TRIO: variants seen among roughly 807,000 people sequenced by gnomAD.
The protein encoded by TRIO is trio Rho guanine nucleotide exchange factor, also known as triple functional domain protein.
Under a neutral mutation model 351.9 loss-of-function variants are expected in TRIO, and 58 were observed. The ratio of observed to expected loss-of-function variants is 0.16; its 90% CI spans 0.13 to 0.21. TRIO has a LOEUF of 0.21. TRIO is among the 10% of genes least tolerant of loss of function. TRIO has a pLI of 1.00. For missense variants in TRIO, 3,201 were observed against 4,027.8 expected, an observed-to-expected ratio of 0.79 and a Z score of 5.56; for synonymous variants, 1,758 against 1,595.7, an observed-to-expected ratio of 1.10 and a Z score of -2.42.
intron 46 of TRIO, among the ~76,000 whole-genome samples, chr5:14,484,209 T>A (rs1028881585): frequency 6.6e-6 from 1 of 152,246 alleles, no homozygotes; most frequent in African/African-American, 2.4e-5. Context: ...ATATATTTTT[T>A]ACATATTTTT....
chr5:14,307,556 A>C (rs1245252805), intron 8 of TRIO, among the ~76,000 whole-genome samples: 1 of 152,226 alleles, frequency 6.6e-6, no homozygotes, highest in Non-Finnish European at 1.5e-5. Flanking sequence ...TCTGGGTGTC[A>C]TCACAGTGGA....
intron 2 of TRIO, among the ~76,000 whole-genome samples, chr5:14,275,880 ATATGTT>A (rs1243359533): frequency 6.8e-6 from 1 of 146,894 alleles, no homozygotes; most frequent in South Asian, 2.1e-4. Flanking sequence ...ATATATATAT[ATATGTT>A]TATATATATG....
intron 1 of TRIO, among the ~76,000 whole-genome samples, chr5:14,172,421 G>A (rs981073693): frequency 6.6e-6 from 1 of 152,194 alleles, no homozygotes; most frequent in Non-Finnish European, 1.5e-5. Flanking sequence ...AGAAGCAGTG[G>A]CTCCTGTCTT....
At chr5:14,472,309 G>A (rs1406748595) in intron 38 of TRIO, among the ~76,000 whole-genome samples, 1 of 152,186 alleles carries the variant, frequency 6.6e-6, no homozygotes. Context: ...TTATGTCTAA[G>A]CTTCATTGTT....
chr5:14,504,261 G>T, intron 54 of TRIO, 132 bp from the exon 55 acceptor site: 3 of 952,982 alleles, frequency 3.1e-6, no homozygotes, highest in Non-Finnish European at 3.1e-6. Context: ...CCCCTCCGTG[G>T]AGTGGCCGGG....
intron 8 of TRIO, among the ~76,000 whole-genome samples, chr5:14,312,628 C>CA (rs1739028390): frequency 6.6e-6 from 1 of 152,178 alleles, no homozygotes; most frequent in African/African-American, 2.4e-5. Context: ...CTTTGTGGCT[C>CA]AGAGTTTCAG....
intron 34 of TRIO, among the ~76,000 whole-genome samples, chr5:14,421,581 G>A (rs1260866023): frequency 1.4e-5 from 2 of 144,762 alleles, no homozygotes; most frequent in African/African-American, 5.4e-5. Flanking sequence ...TCCAGCCTGG[G>A]CAACAGAGCA....
chr5:14,266,482 T>C (rs1274956443), intron 1 of TRIO, among the ~76,000 whole-genome samples: 1 of 152,230 alleles, frequency 6.6e-6, no homozygotes, highest in Non-Finnish European at 1.5e-5. Flanking sequence ...TGATGAACAG[T>C]ATAATGTTTA....
At chr5:14,354,039 C>T (rs983109231) in intron 11 of TRIO, among the ~76,000 whole-genome samples, 13 of 152,204 alleles carry the variant, frequency 8.5e-5, no homozygotes, top group African/African-American at 3.1e-4. Context: ...TGAGGCCTCA[C>T]AGTGAGTCAG....
intron 34 of TRIO, among the ~76,000 whole-genome samples, chr5:14,436,607 A>C (rs1218495438): frequency 6.6e-6 from 1 of 152,226 alleles, no homozygotes; most frequent in Non-Finnish European, 1.5e-5. Context: ...TGTAAAATCA[A>C]AAGCAGGTTA....
intron 37 of TRIO, among the ~76,000 whole-genome samples, chr5:14,467,810 T>C (rs1179847394): frequency 6.6e-6 from 1 of 151,760 alleles, no homozygotes; most frequent in Non-Finnish European, 1.5e-5. Context: ...AGACCCTATA[T>C]CAAAAAAATA....
At chr5:14,500,038 G>C (rs529985319) in intron 53 of TRIO, among the ~76,000 whole-genome samples, 1 of 133,550 alleles carries the variant, frequency 7.5e-6, no homozygotes, top group Non-Finnish European at 1.6e-5. Flanking sequence ...GTGACAGAGC[G>C]AGACTCTGTC....
At chr5:14,399,777 A>G (rs982193634) in intron 30 of TRIO, among the ~76,000 whole-genome samples, 4 of 152,132 alleles carry the variant, frequency 2.6e-5, no homozygotes, top group Non-Finnish European at 5.9e-5. Flanking sequence ...GTGTACTTCC[A>G]TCTAACTTAG....
chr5:14,451,808 T>C (rs766921718), intron 34 of TRIO, among the ~76,000 whole-genome samples: 1 of 152,280 alleles, frequency 6.6e-6, no homozygotes, highest in Non-Finnish European at 1.5e-5. Flanking sequence ...CTTCAAGAAC[T>C]TGCCTCTGAG....
chr5:14,302,081 A>T (rs1737950670), intron 7 of TRIO, among the ~76,000 whole-genome samples: 1 of 152,190 alleles, frequency 6.6e-6, no homozygotes, highest in Admixed American at 6.5e-5. Context: ...TACTTTAAGA[A>T]ATTATAAGTT....
chr5:14,266,568 A>G (rs1795691018), intron 1 of TRIO, among the ~76,000 whole-genome samples: 1 of 152,364 alleles, frequency 6.6e-6, no homozygotes, highest in East Asian at 1.9e-4. Flanking sequence ...CGAACCAAAC[A>G]GTAATTTAAA....
intron 34 of TRIO, 131 bp from the exon 35 acceptor site, chr5:14,460,888 C>T (rs1402824827): frequency 1.9e-6 from 2 of 1,077,482 alleles, no homozygotes; most frequent in Non-Finnish European, 2.6e-6. Context: ...CATCTCACAC[C>T]CCGTAGGCAA....
rs1736479395 is a variant in TRIO, at chr5:14,286,799, C to T, written c.348-72C>T. 1.3e-6 allele frequency: 2 copies of T among 1,517,814 alleles called. No homozygotes were observed. Among genetic ancestry groups the T allele is most frequent in the East Asian group, 2.3e-5 (1 of 44,052 alleles). 94.0% of individuals were successfully genotyped at this position (1,517,814 alleles called of 1,614,324 possible). A position where few individuals can be genotyped will look rare whatever the true frequency, so the allele number is the denominator to read the frequency against. On this transcript the variant is annotated intron_variant, in intron 3 of 56. Coordinates refer to ENST00000344204, the MANE Select transcript of TRIO (RefSeq NM_007118.4). The surrounding 1 kb of genome is among the most constrained non-coding windows in gnomAD (Gnocchi z 4.4). Reference sequence around the variant, plus strand: ...GGGAGGGAAGCTGGGTCTGTGGCACCCAGTGGGACTCTGACCAGGCAGAGT... The same window carrying T: ...GGGAGGGAAGCTGGGTCTGTGGCACTCAGTGGGACTCTGACCAGGCAGAGT...
At chr5:14,346,456 T>G (rs1742425107) in intron 11 of TRIO, among the ~76,000 whole-genome samples, 1 of 152,190 alleles carries the variant, frequency 6.6e-6, no homozygotes, top group African/African-American at 2.4e-5. Flanking sequence ...GATAATTATA[T>G]CACCATATTG....
Sources: gnomAD v4.1 joint callset for allele counts (sites outside exome capture counted in the v4.1 genomes callset) on GRCh38, gnomAD v4.1.1 for gene constraint, Gnocchi (gnomAD v3.1) non-coding constraint, MANE v1.5 for transcripts, NCBI Gene and HGNC (gene_info 2026-07-23, HGNC 2026-07-21) for gene names.